Variants in UNC13B observed in about 807,000 individuals in gnomAD.
UNC13B encodes the protein unc-13 homolog B.
A neutral mutation model predicts 211.0 loss-of-function variants in UNC13B; 144 were observed. The observed-to-expected ratio is 0.68, with a 90% confidence interval of 0.60 to 0.78. UNC13B has a LOEUF of 0.78. Ranked by LOEUF, UNC13B falls within the 30% of genes least tolerant of loss-of-function variation. The pLI, the probability that UNC13B is intolerant of heterozygous loss-of-function variation, is 0.00. For missense variants in UNC13B, 1,777 were observed against 2,002.0 expected (o/e 0.89, Z 2.14); for synonymous variants, 709 against 725.8 (o/e 0.98, Z 0.37).
intron 11 of UNC13B, among the ~76,000 whole-genome samples, chr9:35,363,628 TA>T (rs1388612583): frequency 6.6e-6 from 1 of 152,100 alleles, no homozygotes; most frequent in Non-Finnish European, 1.5e-5. Context: ...AATGGGCCTT[TA>T]AAAGAGAAAA....
intron 6 of UNC13B, among the ~76,000 whole-genome samples, chr9:35,246,075 T>A (rs956147925): frequency 6.6e-6 from 1 of 152,210 alleles, no homozygotes; most frequent in Non-Finnish European, 1.5e-5. Flanking sequence ...TCATTGTGGT[T>A]TTGATTTGCA....
chr9:35,170,220 C>T (rs1197449748), intron 1 of UNC13B, among the ~76,000 whole-genome samples: 1 of 151,818 alleles, frequency 6.6e-6, no homozygotes, highest in East Asian at 1.9e-4. Context: ...GGTTGGAGTG[C>T]AGTGGTGCAA....
At chr9:35,317,950 CAAAGT>C (rs1830549515) in intron 11 of UNC13B, among the ~76,000 whole-genome samples, 1 of 152,002 alleles carries the variant, frequency 6.6e-6, no homozygotes, top group South Asian at 2.1e-4. Context: ...TAAAGCAAAG[CAAAGT>C]AATTAGCCTT....
At chr9:35,379,676 A>G (rs915614420) in intron 17 of UNC13B, among the ~76,000 whole-genome samples, 6 of 152,224 alleles carry the variant, frequency 3.9e-5, no homozygotes, top group African/African-American at 1.4e-4. Context: ...TACATAATAC[A>G]GTGTATCCAA....
chr9:35,362,245 G>C (rs1833464731), intron 11 of UNC13B, among the ~76,000 whole-genome samples: 1 of 152,094 alleles, frequency 6.6e-6, no homozygotes, highest in Non-Finnish European at 1.5e-5. Context: ...TGATTGGATA[G>C]GGACAGAGTG....
At chr9:35,215,024 T>C (rs1824179752) in intron 1 of UNC13B, among the ~76,000 whole-genome samples, 1 of 152,206 alleles carries the variant, frequency 6.6e-6, no homozygotes, top group South Asian at 2.1e-4. Context: ...CTCTCACAGT[T>C]GCTTCTGGAA....
rs377069456 is a variant in UNC13B, at chr9:35,396,825, C to G, written c.11436-16C>G. On this transcript the variant is annotated splice_polypyrimidine_tract_variant and intron_variant, in intron 27 of 39. Coordinates refer to ENST00000635942, the MANE Select transcript of UNC13B (RefSeq NM_001371189.2). ...ACCGCTAGTTCTAAGCCCCTGTTCT[C>G]CTGCTGTGGCTGCAGGTGGTTTGAG... is the stretch of plus-strand genomic sequence containing the variant. The G allele has an allele frequency of 8.1e-6, 13 of 1,613,988 alleles. No individual in the cohort carries two copies. In the Admixed American group the frequency reaches 1.3e-4, roughly 17 times the overall value.
At chr9:35,340,492 T>C (rs1371959242) in intron 11 of UNC13B, among the ~76,000 whole-genome samples, 1 of 152,214 alleles carries the variant, frequency 6.6e-6, no homozygotes, top group African/African-American at 2.4e-5. Context: ...GGCTGCCTGT[T>C]CTGCAATGGC....
chr9:35,203,140 T>C (rs897194609), intron 1 of UNC13B, among the ~76,000 whole-genome samples: 2 of 152,192 alleles, frequency 1.3e-5, no homozygotes, highest in Non-Finnish European at 2.9e-5. Flanking sequence ...TTAATTGGAA[T>C]ATTTAGCCCA....
chr9:35,234,401 T>C (rs555907060), intron 3 of UNC13B, among the ~76,000 whole-genome samples: 1 of 152,340 alleles, frequency 6.6e-6, no homozygotes, highest in South Asian at 2.1e-4. Flanking sequence ...ATTACAGGCA[T>C]GAGCCATTGC....
At chr9:35,253,752 G>A (rs531292123) in intron 6 of UNC13B, among the ~76,000 whole-genome samples, 13 of 152,240 alleles carry the variant, frequency 8.5e-5, no homozygotes, top group African/African-American at 2.4e-4. Flanking sequence ...TTATAAATGC[G>A]TGCTGCAGTG....
intron 1 of UNC13B, among the ~76,000 whole-genome samples, chr9:35,168,795 T>G (rs1821183844): frequency 1.3e-5 from 2 of 150,746 alleles, no homozygotes; most frequent in Non-Finnish European, 3.0e-5. Flanking sequence ...TTGACCTCCC[T>G]GGGCTCAGGT....
intron 6 of UNC13B, among the ~76,000 whole-genome samples, chr9:35,258,570 T>C (rs1406929234): frequency 6.6e-6 from 1 of 152,202 alleles, no homozygotes. Context: ...AGAAGCACTA[T>C]TACTTAAAAA....
intron 1 of UNC13B, among the ~76,000 whole-genome samples, chr9:35,181,049 G>C (rs1002696987): frequency 2.6e-5 from 4 of 152,046 alleles, no homozygotes; most frequent in Non-Finnish European, 4.4e-5. Context: ...ACTGAGGCTT[G>C]ATCACACCTC....
chr9:35,237,555 C>A, intron 4 of UNC13B, 148 bp from the exon 5 acceptor site: 2 of 905,356 alleles, frequency 2.2e-6, no homozygotes, highest in Non-Finnish European at 3.4e-6. Context: ...GCAGTGGAGG[C>A]AGGTGGTGAT....
At chr9:35,283,396 C>A (rs1262642290) in intron 7 of UNC13B, among the ~76,000 whole-genome samples, 1 of 152,136 alleles carries the variant, frequency 6.6e-6, no homozygotes, top group African/African-American at 2.4e-5. Flanking sequence ...TAGACACTAT[C>A]AAATTGTATA....
intron 18 of UNC13B, 50 bp downstream of exon 18, chr9:35,380,689 G>A: frequency 1.9e-6 from 3 of 1,609,878 alleles, no homozygotes; most frequent in African/African-American, 1.3e-5. Flanking sequence ...AGCATGAAGG[G>A]GACCTGGGAA....
rs1204750483 is a variant in UNC13B, at chr9:35,402,007, G to T, written c.12485-1160G>T. 5.8e-6 allele frequency: 9 copies of T among 1,550,396 alleles called. No individual in the cohort carries two copies. The African/African-American group carries it at 9.6e-5, about 17-fold the overall frequency. On this transcript the variant is annotated intron_variant, in intron 37 of 39. Coordinates refer to ENST00000635942, the MANE Select transcript of UNC13B (RefSeq NM_001371189.2). ...TAATGAGGACATTCGTCCGGAAAAG[G>T]GTATGTTGTACACCGTGCAGATATG...
intron 10 of UNC13B, among the ~76,000 whole-genome samples, chr9:35,313,080 G>T (rs1284310653): frequency 6.6e-6 from 1 of 152,116 alleles, no homozygotes; most frequent in Non-Finnish European, 1.5e-5. Flanking sequence ...CAGTGAGAGG[G>T]GTTGAAAGGC....
Sources: allele counts gnomAD v4.1 joint callset (sites outside exome capture counted in the v4.1 genomes callset), GRCh38; gene constraint gnomAD v4.1.1; transcripts MANE v1.5; gene names NCBI Gene and HGNC (gene_info 2026-07-23, HGNC 2026-07-21).